Variants in ZZEF1 observed in about 807,000 individuals in gnomAD.
ZZEF1 encodes the protein zinc finger ZZ-type and EF-hand domain-containing protein 1.
ZZEF1 carries 157 observed loss-of-function variants against 342.8 expected under a neutral mutation model. The ratio of observed to expected loss-of-function variants is 0.46; its 90% confidence interval spans 0.40 to 0.52. The LOEUF (loss-of-function observed/expected upper bound fraction) is 0.52, where lower values mean the gene tolerates loss of function less well. Among genes scored for constraint, ZZEF1 ranks in the 20% least tolerant of loss-of-function variants. The pLI, the probability that ZZEF1 is intolerant of heterozygous loss-of-function variation, is 0.00. For missense variants in ZZEF1, 3,480 were observed against 3,725.6 expected (o/e 0.93, Z 1.72); for synonymous variants, 1,505 against 1,429.1 (o/e 1.05, Z -1.20).
At chr17:4,022,633 C>G in intron 44 of ZZEF1, 76 bp downstream of exon 44, 1 of 1,601,156 alleles carries the variant, frequency 6.2e-7, no homozygotes, top group South Asian at 1.1e-5. Flanking sequence ...GCAGCTGGAA[C>G]TCGGTGATGC....
chr17:4,025,079 T>C lies in ZZEF1; in HGVS notation c.6932A>G (p.Glu2311Gly). Reference sequence around the variant, plus strand: ...CAGCTGGGCCCGAGAGTCACCACACTCTTGTCCTCCTCCCTTCTGGACCAG... The same window carrying C: ...CAGCTGGGCCCGAGAGTCACCACACCCTTGTCCTCCTCCCTTCTGGACCAG... Reference protein sequence around the residue: ...YQLVQKGGGQECGDSRAQLSQ... With the variant: ...YQLVQKGGGQGCGDSRAQLSQ... The change falls in exon 43 of 55, where the codon GAG becomes GGG. Residue 2311 changes from glutamate (E) to glycine (G), a missense_variant. Physicochemically the swap from Glu to Gly is moderately conservative, Grantham distance 98. Around this residue, in one of 5 missense-constraint regions of ZZEF1, gnomAD observed 1,269 missense variants for 1,342.4 expected, o/e 0.95. Coordinates refer to ENST00000381638, the MANE Select transcript of ZZEF1 (RefSeq NM_015113.4). 1 of 1,614,148 alleles carries C rather than the reference T, an allele frequency of 6.2e-7. No homozygotes were observed.
intron 5 of ZZEF1, among the ~76,000 whole-genome samples, chr17:4,110,236 A>G (rs1047381642): frequency 6.6e-6 from 1 of 152,228 alleles, no homozygotes; most frequent in Non-Finnish European, 1.5e-5. Context: ...GGATTAAGTT[A>G]TAGAACAGTG....
At chr17:4,024,627 T>G (rs1173096651) in intron 43 of ZZEF1, among the ~76,000 whole-genome samples, 1 of 152,206 alleles carries the variant, frequency 6.6e-6, no homozygotes, top group Non-Finnish European at 1.5e-5. Flanking sequence ...AATTGTCATT[T>G]AGAGAGGAAA....
intron 42 of ZZEF1, among the ~76,000 whole-genome samples, chr17:4,028,309 G>T (rs902732469): frequency 3.3e-5 from 5 of 152,122 alleles, no homozygotes; most frequent in Non-Finnish European, 7.3e-5. Context: ...AGCAATTTGG[G>T]AGGCCAAGGC....
At chr17:4,042,332 C>T in intron 39 of ZZEF1, 97 bp downstream of exon 39, 1 of 1,321,848 alleles carries the variant, frequency 7.6e-7, no homozygotes, top group East Asian at 2.3e-5. Context: ...CTTAAGGCTA[C>T]AGAGATGATT....
chr17:4,062,336 G>A (rs1040582595), intron 30 of ZZEF1, among the ~76,000 whole-genome samples: 1 of 150,870 alleles, frequency 6.6e-6, no homozygotes, highest in Admixed American at 6.7e-5. Flanking sequence ...AATCTGCCTT[G>A]TCTACTGCTG....
At chr17:4,051,263 A>G (rs943851853) in intron 35 of ZZEF1, among the ~76,000 whole-genome samples, 1 of 152,112 alleles carries the variant, frequency 6.6e-6, no homozygotes, top group Non-Finnish European at 1.5e-5. Flanking sequence ...CAATCCCCAG[A>G]GGTTGTCTGC....
Position 4,062,840 on chromosome 17 carries a change from G to T in ZZEF1, c.4796C>A (p.Ala1599Glu). 1 of 1,613,626 alleles carries T rather than the reference G, an allele frequency of 6.2e-7. No individual in the cohort carries two copies. Among genetic ancestry groups the T allele is most frequent in the African/African-American group, 1.3e-5 (1 of 75,034 alleles). Residue 1599 changes from alanine (A) to glutamate (E), a missense_variant, in exon 30 of 55, where the codon GCA becomes GAA. By Grantham distance (107) the Ala-to-Glu change is moderately radical. This residue lies in a region of ZZEF1 where 1,528 missense variants were observed against 1,624.1 expected (regional missense o/e 0.94). Coordinates refer to ENST00000381638, the MANE Select transcript of ZZEF1 (RefSeq NM_015113.4). ...GCAGTGGGGCTGCCCAAGGGATTCT[G>T]CACAGTGCTGAGTTATCTTCAGGAC... ...LEVLKITQHC[A>E]ESLGQPHCFH...
At chr17:4,043,910 A>G (rs1371957270) in intron 38 of ZZEF1, among the ~76,000 whole-genome samples, 3 of 152,182 alleles carry the variant, frequency 2.0e-5, no homozygotes, top group Admixed American at 6.5e-5. Flanking sequence ...GCCCTCCTAG[A>G]CTGTGAGCTC....
At position 4,074,153 on chromosome 17, in the gene ZZEF1, G is replaced by C; in HGVS notation, c.3682C>G (p.Arg1228Gly). The C allele has an allele frequency of 1.2e-6, 2 of 1,613,692 alleles. No homozygotes were observed. Among genetic ancestry groups the C allele is most frequent in the Admixed American group, 1.7e-5 (1 of 60,020 alleles). The change falls in exon 24 of 55, where the codon CGC becomes GGC. Residue 1228 changes from arginine to glycine, a missense_variant. Arg to Gly is a moderately radical substitution (Grantham distance 125, BLOSUM62 -2). Around this residue, in one of 5 missense-constraint regions of ZZEF1, gnomAD observed 1,528 missense variants for 1,624.1 expected, o/e 0.94. Transcript: ENST00000381638. ...AAGCACAGGGATGTGCACTTACGGC[G>C]CACAGACTTGAGCGCCATGCACTGG... The part of the protein sequence containing the change: ...ASQCMALKSV[R>G]QLGSNMVVPQ...
intron 11 of ZZEF1, among the ~76,000 whole-genome samples, chr17:4,091,712 G>A (rs1349985965): frequency 6.6e-6 from 1 of 151,792 alleles, no homozygotes; most frequent in Non-Finnish European, 1.5e-5. Flanking sequence ...AAGAGGTGGA[G>A]GTTGCAGTGA....
At position 4,070,780 on chromosome 17, in the gene ZZEF1, T is replaced by A; in HGVS notation, c.3979A>T (p.Ile1327Leu). Reference sequence around the variant, plus strand: ...TGATCAATAGTGGAACCAGCAACTATATCTGTCTTTGGGGCCTGTTTTCTA... The same window carrying A: ...TGATCAATAGTGGAACCAGCAACTAAATCTGTCTTTGGGGCCTGTTTTCTA... ...ACRKQAPKTD[I>L]VAGSTIDQAV... Residue 1327 changes from isoleucine to leucine, a missense_variant, in exon 26 of 55, where the codon ATA (isoleucine) becomes TTA (leucine). This residue lies in a region of ZZEF1 where 1,528 missense variants were observed against 1,624.1 expected (regional missense o/e 0.94). Transcript: ENST00000381638. The A allele has an allele frequency of 6.2e-7, 1 of 1,614,178 alleles. No homozygotes were observed. Among genetic ancestry groups the A allele is most frequent in the Non-Finnish European group, 8.5e-7 (1 of 1,180,044 alleles).
At chr17:4,110,332 T>C (rs1278100835) in intron 5 of ZZEF1, among the ~76,000 whole-genome samples, 1 of 152,156 alleles carries the variant, frequency 6.6e-6, no homozygotes, top group Admixed American at 6.5e-5. Context: ...TTAAGAGATG[T>C]CACAATTTCT....
chr17:4,136,061 C>T (rs1258484681), intron 1 of ZZEF1, among the ~76,000 whole-genome samples: 2 of 135,628 alleles, frequency 1.5e-5, no homozygotes, highest in African/African-American at 5.4e-5. Context: ...GGTGCGATCT[C>T]GGCTCACTGC....
At position 4,016,604 on chromosome 17, in the gene ZZEF1, C is replaced by CA. The variant is rs1481420499; in HGVS notation, c.8002-139dup. On this transcript the variant is annotated intron_variant, in intron 48 of 54. Transcript: ENST00000381638. The surrounding 1 kb of genome is among the most constrained non-coding windows in gnomAD (Gnocchi z 4.4). ...GACGAGCCTCTGTGACTCCACCACC[C>CA]AAAACCAACTCCACCAGCCACCTCT... is the stretch of plus-strand genomic sequence containing the variant. 9.5e-6 allele frequency: 9 copies of CA among 950,190 alleles called. No individual in the cohort carries two copies. The East Asian group carries it at 1.9e-4, about 20-fold the overall frequency. The allele number at this position is 950,190 out of a possible 1,614,324, so 58.9% of individuals were successfully genotyped here.
intron 39 of ZZEF1, among the ~76,000 whole-genome samples, chr17:4,039,859 T>C (rs572876163): frequency 2.0e-4 from 30 of 152,208 alleles, no homozygotes; most frequent in Non-Finnish European, 3.8e-4. Context: ...TTAGCCAGGA[T>C]GGTCTCGATC....
intron 46 of ZZEF1, among the ~76,000 whole-genome samples, chr17:4,019,172 A>G (rs2056197374): frequency 6.6e-6 from 1 of 152,194 alleles, no homozygotes; most frequent in African/African-American, 2.4e-5. Flanking sequence ...AAATTAAATG[A>G]GAATTTACAA....
At chr17:4,118,953 T>C (rs750715913) in intron 2 of ZZEF1, among the ~76,000 whole-genome samples, 1 of 152,174 alleles carries the variant, frequency 6.6e-6, no homozygotes, top group Non-Finnish European at 1.5e-5. Flanking sequence ...GTGTGATATC[T>C]TGTGGAAGGG....
intron 1 of ZZEF1, among the ~76,000 whole-genome samples, chr17:4,135,054 G>T (rs187956723): frequency 3.7e-4 from 57 of 152,250 alleles, no homozygotes; most frequent in Admixed American, 1.1e-3. Flanking sequence ...GGCAGACCCA[G>T]GATGAAGAGC....
Sources: allele counts gnomAD v4.1 joint callset (sites outside exome capture counted in the v4.1 genomes callset), GRCh38; gene constraint gnomAD v4.1.1; regional missense constraint gnomAD v4.1.1; non-coding constraint Gnocchi (gnomAD v3.1); transcripts MANE v1.5; gene names NCBI Gene and HGNC (gene_info 2026-07-23, HGNC 2026-07-21).